Variants in LRRTM4 observed in about 807,000 individuals in gnomAD.
The protein encoded by LRRTM4 is leucine-rich repeat transmembrane neuronal protein 4.
Under a neutral mutation model 47.6 loss-of-function variants are expected in LRRTM4, and 25 were observed. The observed-to-expected ratio is 0.53, with a 90% CI of 0.38 to 0.73. The LOEUF (loss-of-function observed/expected upper bound fraction) is 0.73, where lower values mean the gene tolerates loss of function less well. LRRTM4 is among the 30% of genes least tolerant of loss of function. The pLI, the probability that LRRTM4 is intolerant of heterozygous loss-of-function variation, is 0.00. For synonymous variants in LRRTM4, 311 were observed against 269.5 expected, an observed-to-expected ratio of 1.15 and a Z score of -1.51; for missense variants, 638 against 713.4, an observed-to-expected ratio of 0.89 and a Z score of 1.20.
intron 3 of LRRTM4, among the ~76,000 whole-genome samples, chr2:77,295,239 A>G (rs1167965215): frequency 6.6e-6 from 1 of 152,098 alleles, no homozygotes; most frequent in African/African-American, 2.4e-5. Context: ...CACCTACAGT[A>G]CCCTCTTATA....
intron 3 of LRRTM4, among the ~76,000 whole-genome samples, chr2:77,071,757 T>C (rs1680161274): frequency 6.6e-6 from 1 of 152,206 alleles, no homozygotes; most frequent in South Asian, 2.1e-4. Flanking sequence ...GGATGTATGC[T>C]TCAGAGTTTT....
intron 3 of LRRTM4, among the ~76,000 whole-genome samples, chr2:76,873,082 A>G (rs1471225436): frequency 6.6e-6 from 1 of 152,168 alleles, no homozygotes; most frequent in African/African-American, 2.4e-5. Context: ...GCATTTCTTT[A>G]TAACAACACA....
chr2:77,468,104 C>T (rs553304975), intron 3 of LRRTM4, among the ~76,000 whole-genome samples: 29 of 152,164 alleles, frequency 1.9e-4, no homozygotes, highest in African/African-American at 5.8e-4. Context: ...GACTATCCTG[C>T]CAGTGACGAT....
At chr2:76,853,492 T>G (rs752209094) in intron 3 of LRRTM4, among the ~76,000 whole-genome samples, 2 of 152,270 alleles carry the variant, frequency 1.3e-5, no homozygotes, top group Non-Finnish European at 2.9e-5. Flanking sequence ...GTCCTTGCCC[T>G]TTAGATATTA....
intron 3 of LRRTM4, among the ~76,000 whole-genome samples, chr2:77,256,765 A>G (rs1573153412): frequency 6.8e-6 from 1 of 146,698 alleles, no homozygotes; most frequent in African/African-American, 2.5e-5. Flanking sequence ...GACTAATGCA[A>G]TTTGAGAACA....
Position 76,971,076 on chromosome 2 carries a change from A to G in LRRTM4, c.1552-222160T>C, listed in dbSNP as rs146167284. 3.9e-3 allele frequency among the ~76,000 whole-genome samples: 592 copies of G among 152,100 alleles called. 5 individuals are homozygous for G. The highest frequency in any genetic ancestry group is 0.013 in the African/African-American group (526 of 41,540). Reference sequence around the variant, plus strand: ...GTCCAAACATTCCAAGAGTCCTGAGAAAGAGAACTGGGCAATACTGGCTGT... The same window carrying G: ...GTCCAAACATTCCAAGAGTCCTGAGGAAGAGAACTGGGCAATACTGGCTGT... On this transcript the variant is annotated intron_variant, in intron 3 of 3. Transcript: ENST00000409884.
chr2:76,959,705 G>T (rs1675789234), intron 3 of LRRTM4, among the ~76,000 whole-genome samples: 1 of 151,668 alleles, frequency 6.6e-6, no homozygotes, highest in Admixed American at 6.6e-5. Flanking sequence ...GGAATTTAAA[G>T]AAGTGTGTGA....
At chr2:77,084,640 C>T (rs1318714217) in intron 3 of LRRTM4, among the ~76,000 whole-genome samples, 1 of 152,136 alleles carries the variant, frequency 6.6e-6, no homozygotes, top group Admixed American at 6.5e-5. Context: ...TGATTTTGGT[C>T]TGCCATTGAC....
At chr2:76,781,821 C>CT (rs1247290866) in intron 3 of LRRTM4, among the ~76,000 whole-genome samples, 2 of 152,106 alleles carry the variant, frequency 1.3e-5, no homozygotes, top group Admixed American at 6.5e-5. Flanking sequence ...GAAGAGGACA[C>CT]TTTTTTATCT....
In LRRTM4 at chr2:76,991,176, G is replaced by A. The variant is rs559327617; in HGVS notation, c.1552-242260C>T. Among the ~76,000 whole-genome samples, 171 of 151,812 alleles carry A rather than the reference G, an allele frequency of 1.1e-3. 1 individual carries two copies. Among genetic ancestry groups the A allele is most frequent in the African/African-American group, 3.9e-3 (161 of 41,500 alleles). ...AAGAGCAAAATTTTTAGTCATAGAT[G>A]CCTACATCAAGAAGTTAGAAAGATC... On this transcript the variant is annotated intron_variant, in intron 3 of 3. Transcript: ENST00000409884.
At chr2:77,154,274 G>A (rs1672501493) in intron 3 of LRRTM4, among the ~76,000 whole-genome samples, 1 of 152,082 alleles carries the variant, frequency 6.6e-6, no homozygotes, top group African/African-American at 2.4e-5. Flanking sequence ...ACTATTCAGA[G>A]TTTTTTTCTT....
chr2:77,035,546 G>A (rs1245939715), intron 3 of LRRTM4, among the ~76,000 whole-genome samples: 1 of 151,652 alleles, frequency 6.6e-6, no homozygotes, highest in East Asian at 1.9e-4. Flanking sequence ...ATAGTGTTTT[G>A]CTTTTCTTTT....
intron 3 of LRRTM4, among the ~76,000 whole-genome samples, chr2:77,338,080 C>A (rs1671230453): frequency 6.6e-6 from 1 of 152,006 alleles, no homozygotes; most frequent in South Asian, 2.1e-4. Context: ...ATACCAGATA[C>A]AAAAATCAAA....
At chr2:76,833,129 T>C (rs1016423589) in intron 3 of LRRTM4, among the ~76,000 whole-genome samples, 1 of 152,150 alleles carries the variant, frequency 6.6e-6, no homozygotes, top group Non-Finnish European at 1.5e-5. Flanking sequence ...TGAGTGATTA[T>C]GGTTGGAAAT....
At chr2:76,972,412 CTTTTT>C (rs397869502) in intron 3 of LRRTM4, among the ~76,000 whole-genome samples, 93 of 95,246 alleles carry the variant, frequency 9.8e-4, no homozygotes, top group East Asian at 3.8e-3. Flanking sequence ...TCATTGAACA[CTTTTT>C]TTTTTTTTTT....
chr2:77,167,155 C>T (rs532345797), intron 3 of LRRTM4, among the ~76,000 whole-genome samples: 1 of 152,260 alleles, frequency 6.6e-6, no homozygotes, highest in Admixed American at 6.5e-5. Flanking sequence ...TATGAAGAGA[C>T]ACTTCTCAAA....
At chr2:77,103,976 A>G (rs1671028200) in intron 3 of LRRTM4, among the ~76,000 whole-genome samples, 1 of 152,172 alleles carries the variant, frequency 6.6e-6, no homozygotes, top group Admixed American at 6.5e-5. Flanking sequence ...TTCAAACTCA[A>G]TCATTCAACT....
intron 3 of LRRTM4, among the ~76,000 whole-genome samples, chr2:77,068,471 A>AG (rs1680035253): frequency 6.6e-6 from 1 of 151,968 alleles, no homozygotes; most frequent in African/African-American, 2.4e-5. Flanking sequence ...TGCTCTCTCA[A>AG]TGGGAACCCC....
intron 3 of LRRTM4, among the ~76,000 whole-genome samples, chr2:77,390,850 A>G (rs1479437117): frequency 6.6e-6 from 1 of 151,834 alleles, no homozygotes; most frequent in Non-Finnish European, 1.5e-5. Flanking sequence ...GTAAACAACT[A>G]TACTTTAATT....
Sources: allele counts gnomAD v4.1 joint callset (sites outside exome capture counted in the v4.1 genomes callset), GRCh38; gene constraint gnomAD v4.1.1; transcripts MANE v1.5; gene names NCBI Gene and HGNC (gene_info 2026-07-23, HGNC 2026-07-21).